SCFD2: variants seen among roughly 807,000 people sequenced by gnomAD.
The protein encoded by SCFD2 is sec1 family domain-containing protein 2.
Under a neutral mutation model 58.9 loss-of-function variants are expected in SCFD2, and 54 were observed. The observed-to-expected ratio is 0.92, with a 90% CI of 0.74 to 1.15. The LOEUF is 1.15. SCFD2 is among the 50% of genes most tolerant of loss of function. The pLI, the probability that SCFD2 is intolerant of heterozygous loss-of-function variation, is 0.00. For synonymous variants in SCFD2, 321 were observed against 335.9 expected, an observed-to-expected ratio of 0.96 and a Z score of 0.49; for missense variants, 805 against 836.6, an observed-to-expected ratio of 0.96 and a Z score of 0.47.
At chr4:53,184,667 G>A (rs1186218584) in intron 4 of SCFD2, among the ~76,000 whole-genome samples, 1 of 152,064 alleles carries the variant, frequency 6.6e-6, no homozygotes, top group Non-Finnish European at 1.5e-5. Context: ...TTTTGAGATG[G>A]CTGGTGAACC....
intron 5 of SCFD2, among the ~76,000 whole-genome samples, chr4:52,972,621 T>TG: frequency 6.6e-6 from 1 of 152,014 alleles, no homozygotes; most frequent in Admixed American, 6.6e-5. Context: ...GACAGAAAAT[T>TG]AACAAGGATA....
intron 3 of SCFD2, among the ~76,000 whole-genome samples, chr4:53,287,391 C>T (rs1261587061): frequency 6.6e-6 from 1 of 152,146 alleles, no homozygotes; most frequent in Non-Finnish European, 1.5e-5. Flanking sequence ...AAAACCCTAC[C>T]CTTACCACTG....
intron 5 of SCFD2, among the ~76,000 whole-genome samples, chr4:53,114,595 G>T (rs1034177232): frequency 6.6e-6 from 1 of 152,080 alleles, no homozygotes; most frequent in Admixed American, 6.6e-5. Flanking sequence ...TTTTTTAAAG[G>T]CTGAAAGAAA....
chr4:52,908,504 A>G (rs1407938459), intron 6 of SCFD2, among the ~76,000 whole-genome samples: 1 of 152,172 alleles, frequency 6.6e-6, no homozygotes, highest in Non-Finnish European at 1.5e-5. Flanking sequence ...GATCTATTAT[A>G]GCTTCAGTAA....
chr4:53,252,434 C>G (rs964748539), intron 4 of SCFD2, among the ~76,000 whole-genome samples: 164 of 151,696 alleles, frequency 1.1e-3, no homozygotes, highest in Non-Finnish European at 1.8e-3. Flanking sequence ...CAAGTCAATC[C>G]TAAGCCAAAG....
intron 4 of SCFD2, among the ~76,000 whole-genome samples, chr4:53,272,077 T>C (rs1731186625): frequency 2.6e-5 from 4 of 152,140 alleles, no homozygotes; most frequent in Admixed American, 2.6e-4. Context: ...AGAAGACATT[T>C]ATGCAGCCAT....
chr4:53,112,766 C>T (rs1423373755), intron 5 of SCFD2, among the ~76,000 whole-genome samples: 2 of 152,048 alleles, frequency 1.3e-5, no homozygotes, highest in African/African-American at 4.8e-5. Flanking sequence ...ATTATCCCAT[C>T]AATCTTGAAA....
chr4:53,272,594 C>A (rs1731206627), intron 4 of SCFD2, among the ~76,000 whole-genome samples: 2 of 151,684 alleles, frequency 1.3e-5, no homozygotes, highest in Admixed American at 6.6e-5. Flanking sequence ...AGCAAACTAT[C>A]GCAAGGACAA....
chr4:52,941,330 T>C (rs893040406), intron 5 of SCFD2, among the ~76,000 whole-genome samples: 1 of 152,142 alleles, frequency 6.6e-6, no homozygotes, highest in East Asian at 1.9e-4. Flanking sequence ...TGTTAGAACG[T>C]AATAAGTACT....
chr4:53,206,067 C>T (rs564953270), intron 4 of SCFD2, among the ~76,000 whole-genome samples: 2 of 152,236 alleles, frequency 1.3e-5, no homozygotes, highest in South Asian at 4.1e-4. Context: ...TTTTAGTTAA[C>T]TTGGTATATT....
intron 4 of SCFD2, among the ~76,000 whole-genome samples, chr4:53,154,102 C>G (rs1726591563): frequency 6.6e-6 from 1 of 152,196 alleles, no homozygotes; most frequent in African/African-American, 2.4e-5. Context: ...TTCCCAAGTT[C>G]CAAATCCACT....
intron 4 of SCFD2, among the ~76,000 whole-genome samples, chr4:53,208,259 C>T (rs1728499938): frequency 6.6e-6 from 1 of 152,008 alleles, no homozygotes; most frequent in Middle Eastern, 3.2e-3. Context: ...CACGAGCCAC[C>T]ACACCTCGCC....
At chr4:53,044,181 A>C (rs1722968613) in intron 5 of SCFD2, among the ~76,000 whole-genome samples, 2 of 152,114 alleles carry the variant, frequency 1.3e-5, no homozygotes, top group Admixed American at 6.5e-5. Context: ...CTTCTCTAAT[A>C]GTCAATCTTT....
chr4:53,329,319 T>G (rs1207080948), intron 2 of SCFD2, among the ~76,000 whole-genome samples: 1 of 152,084 alleles, frequency 6.6e-6, no homozygotes, highest in Non-Finnish European at 1.5e-5. Flanking sequence ...AAGACAGCAG[T>G]AACCTCTGCA....
chr4:53,363,562 G>A (rs1267262644), intron 1 of SCFD2, among the ~76,000 whole-genome samples: 1 of 151,990 alleles, frequency 6.6e-6, no homozygotes, highest in African/African-American at 2.4e-5. Flanking sequence ...AAAAGGGCGC[G>A]GTGGCTCACG....
At chr4:53,275,076 C>G (rs758435265) in intron 3 of SCFD2, among the ~76,000 whole-genome samples, 1 of 152,206 alleles carries the variant, frequency 6.6e-6, no homozygotes, top group Non-Finnish European at 1.5e-5. Flanking sequence ...CACAAACACA[C>G]CCTTTACTGA....
At chr4:53,219,811 A>G (rs1728993918) in intron 4 of SCFD2, among the ~76,000 whole-genome samples, 1 of 152,136 alleles carries the variant, frequency 6.6e-6, no homozygotes, top group South Asian at 2.1e-4. Flanking sequence ...AATGCTTAAC[A>G]TTATTTTAAG....
chr4:52,992,162 G>A (rs1455742790), intron 5 of SCFD2, among the ~76,000 whole-genome samples: 1 of 152,166 alleles, frequency 6.6e-6, no homozygotes, highest in East Asian at 1.9e-4. Flanking sequence ...GAGTGCCTGG[G>A]ATTGCAGGAG....
intron 5 of SCFD2, among the ~76,000 whole-genome samples, chr4:53,061,467 C>CA (rs1322392229): frequency 3.9e-5 from 6 of 152,146 alleles, no homozygotes; most frequent in Non-Finnish European, 8.8e-5. Context: ...CACCATGATT[C>CA]ATCCAGTCCA....
Sources: gnomAD v4.1 joint callset for allele counts (sites outside exome capture counted in the v4.1 genomes callset) on GRCh38, gnomAD v4.1.1 for gene constraint, MANE v1.5 for transcripts, NCBI Gene and HGNC (gene_info 2026-07-23, HGNC 2026-07-21) for gene names.